Variants in EDA observed in about 807,000 individuals in gnomAD.
EDA encodes the protein ectodysplasin A.
In EDA, 2 loss-of-function variants were observed where a neutral mutation model predicts 23.6. The observed-to-expected ratio is 0.08, with a 90% confidence interval of 0.03 to 0.27. The LOEUF (loss-of-function observed/expected upper bound fraction) is 0.27. Ranked by LOEUF, EDA falls within the 10% of genes least tolerant of loss-of-function variation. The pLI is 1.00. For synonymous variants in EDA, 131 were observed against 132.0 expected (o/e 0.99, Z 0.05); for missense variants, 229 against 324.2 (o/e 0.71, Z 2.26).
Position 69,828,322 on chromosome X carries a change from T to A in EDA, c.397-128705T>A, listed in dbSNP as rs764007429. On this transcript the variant is annotated intron_variant, in intron 1 of 7. Coordinates refer to ENST00000374552, the MANE Select transcript of EDA (RefSeq NM_001399.5). ...GCCTCGCTGCCGCCTTGCAGTTTGA[T>A]CTCAGACTGCTGTGCTAGCAATCAG... Among the ~76,000 whole-genome samples, 308 of 112,189 alleles carry A rather than the reference T, an allele frequency of 2.7e-3. 1 individual carries two copies. Among genetic ancestry groups the A allele is most frequent in the Admixed American group, 3.6e-3 (38 of 10,634 alleles).
At chrX:70,022,292 A>G (rs1014175512) in intron 2 of EDA, among the ~76,000 whole-genome samples, 1 of 111,167 alleles carries the variant, frequency 9.0e-6, no homozygotes, top group Non-Finnish European at 1.9e-5. Flanking sequence ...TTCACTGCCA[A>G]TGAAATGGTT....
chrX:69,946,332 T>C (rs1743914955), intron 1 of EDA, among the ~76,000 whole-genome samples: 1 of 111,334 alleles, frequency 9.0e-6, no homozygotes, highest in African/African-American at 3.3e-5. Context: ...AGATTCACTT[T>C]CTATACTCAC....
chrX:70,023,825 A>G (rs980252340), intron 3 of EDA, among the ~76,000 whole-genome samples: 3 of 111,734 alleles, frequency 2.7e-5, no homozygotes, highest in African/African-American at 6.5e-5. Flanking sequence ...TGAGGATTCA[A>G]TATCATTTTC....
intron 1 of EDA, among the ~76,000 whole-genome samples, chrX:69,716,980 G>A (rs1017620464): frequency 9.0e-6 from 1 of 111,009 alleles, no homozygotes; most frequent in African/African-American, 3.3e-5. Context: ...AGACTGTGGG[G>A]TTTTCTGGGT....
chrX:69,874,684 C>T (rs185944908), intron 1 of EDA, among the ~76,000 whole-genome samples: 29 of 111,371 alleles, frequency 2.6e-4, no homozygotes, highest in Non-Finnish European at 3.8e-4. Context: ...CATCCAGATT[C>T]GTAGAGAGGA....
chrX:70,029,634 T>C, intron 5 of EDA, 96 bp downstream of exon 5: 1 of 921,882 alleles, frequency 1.1e-6, no homozygotes, highest in Admixed American at 2.3e-5. Context: ...TGAGGCTTTA[T>C]TTCATGAGAA....
intron 7 of EDA, 59 bp from the exon 8 acceptor site, chrX:70,035,298 AG>A: frequency 1.7e-6 from 2 of 1,150,829 alleles, no homozygotes; most frequent in Non-Finnish European, 2.4e-6. Flanking sequence ...CACCACAGGG[AG>A]GGCCCCCCAC....
intron 1 of EDA, among the ~76,000 whole-genome samples, chrX:69,648,249 C>T (rs770792197): frequency 6.3e-5 from 7 of 111,726 alleles, no homozygotes; most frequent in African/African-American, 1.3e-4. Flanking sequence ...GGGACCCTTC[C>T]TTGTCCAAAC....
intron 1 of EDA, among the ~76,000 whole-genome samples, chrX:69,851,976 C>T (rs1347612078): frequency 8.9e-6 from 1 of 111,942 alleles, no homozygotes; most frequent in African/African-American, 3.2e-5. Context: ...CTATTGATTG[C>T]CCTGTTTTCT....
intron 1 of EDA, among the ~76,000 whole-genome samples, chrX:69,887,059 TC>T (rs1356309206): frequency 8.0e-5 from 9 of 112,152 alleles, no homozygotes; most frequent in African/African-American, 2.9e-4. Flanking sequence ...AAAATGATCA[TC>T]TTAAAGAAGC....
intron 1 of EDA, among the ~76,000 whole-genome samples, chrX:69,749,919 GTTCTTTTTTTTTT>G (rs2013761888): frequency 2.1e-5 from 1 of 48,615 alleles, no homozygotes; most frequent in Non-Finnish European, 3.2e-5. Context: ...TCTCACTAAG[GTTCTTTTTTTTTT>G]TTTTTTTTTT....
rs369084607 is a variant in EDA at position 69,948,878 on chromosome X, G to T, written c.397-8149G>T. Among the ~76,000 whole-genome samples, 9 of 111,453 alleles carry T rather than the reference G, an allele frequency of 8.1e-5. No homozygotes were observed. The East Asian group carries it at 2.5e-3, about 32-fold the overall frequency. ...TAAGGGTTCTTATGATTAAAAGTGC[G>T]TTCAATGCCATCTTTTGTAATCATT... On this transcript the variant is annotated intron_variant, in intron 1 of 7. Coordinates refer to ENST00000374552, the MANE Select transcript of EDA (RefSeq NM_001399.5).
At chrX:69,963,118 T>C (rs1203802550) in intron 2 of EDA, among the ~76,000 whole-genome samples, 1 of 112,171 alleles carries the variant, frequency 8.9e-6, no homozygotes, top group African/African-American at 3.2e-5. Flanking sequence ...TATTCTTTTC[T>C]ACTATTATAA....
intron 2 of EDA, among the ~76,000 whole-genome samples, chrX:69,991,562 A>C (rs1471166249): frequency 9.0e-6 from 1 of 111,379 alleles, no homozygotes; most frequent in Non-Finnish European, 1.9e-5. Flanking sequence ...ACTATTCTCC[A>C]GCCACCCAGA....
chrX:69,921,756 T>C, intron 1 of EDA, among the ~76,000 whole-genome samples: 1 of 111,537 alleles, frequency 9.0e-6, no homozygotes, highest in East Asian at 2.8e-4. Context: ...TTTGTCAAAT[T>C]CTGTATCCCA....
intron 1 of EDA, among the ~76,000 whole-genome samples, chrX:69,655,338 G>A: frequency 9.3e-6 from 1 of 108,001 alleles, no homozygotes; most frequent in East Asian, 3.0e-4. Context: ...GGTTGGCGGT[G>A]AGCCGAGATC....
intron 1 of EDA, among the ~76,000 whole-genome samples, chrX:69,679,366 T>C (rs1418947697): frequency 9.1e-6 from 1 of 109,957 alleles, no homozygotes; most frequent in Non-Finnish European, 1.9e-5. Flanking sequence ...TCCCTCTTTT[T>C]CTATTGATTG....
At chrX:69,832,753 A>T (rs964170515) in intron 1 of EDA, among the ~76,000 whole-genome samples, 8 of 111,336 alleles carry the variant, frequency 7.2e-5, no homozygotes, top group Non-Finnish European at 1.3e-4. Context: ...GAGGTCCTTC[A>T]CATCCCTTGT....
chrX:69,674,684 C>T (rs1181719432), intron 1 of EDA, among the ~76,000 whole-genome samples: 1 of 111,934 alleles, frequency 8.9e-6, no homozygotes, highest in African/African-American at 3.2e-5. Context: ...GCCTTCATGT[C>T]CTGACTCCTT....
Sources: gnomAD v4.1 joint callset for allele counts (sites outside exome capture counted in the v4.1 genomes callset) on GRCh38, gnomAD v4.1.1 for gene constraint, MANE v1.5 for transcripts, NCBI Gene and HGNC (gene_info 2026-07-23, HGNC 2026-07-21) for gene names.